Variants in RBFOX1 observed in about 807,000 individuals in gnomAD.
RBFOX1 encodes RNA binding protein fox-1 homolog 1.
A neutral mutation model predicts 57.7 loss-of-function variants in RBFOX1; 8 were observed. The observed-to-expected ratio is 0.14, with a 90% CI of 0.08 to 0.25. The LOEUF is 0.25. RBFOX1 is among the 10% of genes least tolerant of loss of function. The pLI is 1.00. For missense variants in RBFOX1, 611 were observed against 548.5 expected, an observed-to-expected ratio of 1.11 and a Z score of -1.14; for synonymous variants, 326 against 222.4, an observed-to-expected ratio of 1.47 and a Z score of -4.15.
chr16:6,917,257 C>G (rs1055500021), intron 3 of RBFOX1, among the ~76,000 whole-genome samples: 9 of 152,200 alleles, frequency 5.9e-5, no homozygotes, highest in African/African-American at 1.7e-4. Flanking sequence ...TGCAAAGAGT[C>G]TGTCCCAGCT....
At chr16:5,437,928 AT>A (rs2067966779) in intron 1 of RBFOX1, among the ~76,000 whole-genome samples, 1 of 152,170 alleles carries the variant, frequency 6.6e-6, no homozygotes, top group Non-Finnish European at 1.5e-5. Context: ...TTGTGTGTAT[AT>A]TTTTCCTTCT....
intron 4 of RBFOX1, among the ~76,000 whole-genome samples, chr16:7,223,289 G>A (rs940470539): frequency 3.9e-5 from 6 of 152,230 alleles, no homozygotes; most frequent in Non-Finnish European, 8.8e-5. Flanking sequence ...AACCCTGGGT[G>A]TCTCTTGATT....
At chr16:5,681,745 G>A (rs2050346677) in intron 3 of RBFOX1, among the ~76,000 whole-genome samples, 1 of 152,114 alleles carries the variant, frequency 6.6e-6, no homozygotes, top group African/African-American at 2.4e-5. Context: ...TGCAAAGAAC[G>A]AGAAGGGGAT....
intron 4 of RBFOX1, among the ~76,000 whole-genome samples, chr16:5,910,414 G>A (rs2058576351): frequency 6.6e-6 from 1 of 152,206 alleles, no homozygotes; most frequent in Non-Finnish European, 1.5e-5. Flanking sequence ...GAATGCTTAT[G>A]GGAGGTTCAA....
chr16:6,371,304 G>T (rs1036915385), intron 2 of RBFOX1, among the ~76,000 whole-genome samples: 4 of 152,130 alleles, frequency 2.6e-5, no homozygotes, highest in African/African-American at 9.7e-5. Flanking sequence ...GCTATCAAAT[G>T]ATGGTTTTCT....
At chr16:7,070,326 T>G (rs1403141623) in intron 4 of RBFOX1, among the ~76,000 whole-genome samples, 1 of 152,216 alleles carries the variant, frequency 6.6e-6, no homozygotes, top group Admixed American at 6.5e-5. Flanking sequence ...TATAGATGCT[T>G]TCCTGGATAG....
intron 2 of RBFOX1, among the ~76,000 whole-genome samples, chr16:6,318,007 A>C (rs369051106): frequency 1.1e-3 from 169 of 152,324 alleles, no homozygotes; most frequent in African/African-American, 3.9e-3. Context: ...GTAGAATTGG[A>C]GGACATGGGA....
intron 3 of RBFOX1, among the ~76,000 whole-genome samples, chr16:7,026,038 G>C (rs190126461): frequency 6.6e-6 from 1 of 152,288 alleles, no homozygotes; most frequent in African/African-American, 2.4e-5. Context: ...AGGAACAAAG[G>C]GAAAACAAAA....
At chr16:6,940,763 A>AGTGTGTGTGTGTGTGTGT (rs61349150) in intron 3 of RBFOX1, among the ~76,000 whole-genome samples, 15 of 114,474 alleles carry the variant, frequency 1.3e-4, no homozygotes, top group South Asian at 3.3e-4. Context: ...ATGTCCCGCT[A>AGTGTGTGTGTGTGTGTGT]GTGTGTGTGT....
intron 3 of RBFOX1, among the ~76,000 whole-genome samples, chr16:6,669,446 C>A (rs566586802): frequency 2.6e-5 from 4 of 152,240 alleles, no homozygotes; most frequent in Admixed American, 2.6e-4. Flanking sequence ...TCAGAATTTG[C>A]AGATCAACCA....
At chr16:5,567,635 CAAAAA>C (rs34858401) in intron 2 of RBFOX1, among the ~76,000 whole-genome samples, 7 of 63,156 alleles carry the variant, frequency 1.1e-4, no homozygotes, top group Admixed American at 2.7e-4. Flanking sequence ...AGGTTATAGG[CAAAAA>C]AAAAAAAAAA....
intron 4 of RBFOX1, among the ~76,000 whole-genome samples, chr16:5,913,003 G>C (rs1158751697): frequency 1.3e-5 from 2 of 152,110 alleles, no homozygotes; most frequent in Non-Finnish European, 2.9e-5. Flanking sequence ...TCTCTTCTTA[G>C]GGTCAGAAGA....
At chr16:6,840,051 C>T (rs1040229142) in intron 3 of RBFOX1, among the ~76,000 whole-genome samples, 19 of 151,980 alleles carry the variant, frequency 1.3e-4, no homozygotes, top group African/African-American at 4.1e-4. Flanking sequence ...AACAAAAATC[C>T]GTGAGTTTAC....
chr16:6,007,268 A>C (rs1039629544), intron 4 of RBFOX1, among the ~76,000 whole-genome samples: 1 of 152,204 alleles, frequency 6.6e-6, no homozygotes, highest in African/African-American at 2.4e-5. Context: ...AGAAGAAGTC[A>C]GTTTCCCGCT....
intron 3 of RBFOX1, among the ~76,000 whole-genome samples, chr16:6,841,795 A>G (rs894288151): frequency 2.6e-5 from 4 of 152,122 alleles, no homozygotes; most frequent in Non-Finnish European, 5.9e-5. Flanking sequence ...AAGCCAGTGA[A>G]CATCACTGTC....
At chr16:5,460,098 T>A (rs750597878) in intron 1 of RBFOX1, among the ~76,000 whole-genome samples, 1 of 151,920 alleles carries the variant, frequency 6.6e-6, no homozygotes, top group African/African-American at 2.4e-5. Context: ...GAGTGTAAAG[T>A]CGGCATGTTT....
intron 4 of RBFOX1, among the ~76,000 whole-genome samples, chr16:7,494,380 T>C (rs555704437): frequency 6.6e-6 from 1 of 152,314 alleles, no homozygotes; most frequent in East Asian, 1.9e-4. Flanking sequence ...AAGCCCGCTG[T>C]GTGATGATGG....
At chr16:7,562,418 G>C (rs918542275) in intron 5 of RBFOX1, among the ~76,000 whole-genome samples, 1 of 152,128 alleles carries the variant, frequency 6.6e-6, no homozygotes, top group African/African-American at 2.4e-5. Flanking sequence ...AATGCTGAAG[G>C]AGAGGACCCT....
chr16:5,314,611 C>A (rs1277362407), intron 1 of RBFOX1, among the ~76,000 whole-genome samples: 1 of 152,168 alleles, frequency 6.6e-6, no homozygotes, highest in Non-Finnish European at 1.5e-5. Flanking sequence ...AGTGATCCTC[C>A]TTTCTCAGCC....
Sources: gnomAD v4.1 joint callset for allele counts (sites outside exome capture counted in the v4.1 genomes callset) on GRCh38, gnomAD v4.1.1 for gene constraint, MANE v1.5 for transcripts, NCBI Gene and HGNC (gene_info 2026-07-23, HGNC 2026-07-21) for gene names.